Variants in FAM149B1 observed in about 807,000 individuals in gnomAD.
FAM149B1 encodes primary cilium assembly protein FAM149B1.
A neutral mutation model predicts 75.3 loss-of-function variants in FAM149B1; 56 were observed. The ratio of observed to expected loss-of-function variants is 0.74; its 90% CI spans 0.60 to 0.93. FAM149B1 has a LOEUF of 0.93. Ranked by LOEUF, FAM149B1 falls within the 40% of genes least tolerant of loss-of-function variation. The pLI is 0.00. For synonymous variants in FAM149B1, 259 were observed against 256.1 expected, an observed-to-expected ratio of 1.01 and a Z score of -0.11; for missense variants, 639 against 708.4, an observed-to-expected ratio of 0.90 and a Z score of 1.11.
intron 7 of FAM149B1, among the ~76,000 whole-genome samples, chr10:73,221,705 A>G (rs1486381874): frequency 6.6e-6 from 1 of 152,096 alleles, no homozygotes; most frequent in African/African-American, 2.4e-5. Flanking sequence ...GCTTTCAGCC[A>G]TTATTTCTTC....
intron 7 of FAM149B1, among the ~76,000 whole-genome samples, chr10:73,214,263 G>A (rs2133374332): frequency 6.6e-6 from 1 of 152,250 alleles, no homozygotes; most frequent in Non-Finnish European, 1.5e-5. Context: ...TCAGCAAACA[G>A]GGCAATTTGC....
intron 3 of FAM149B1, among the ~76,000 whole-genome samples, chr10:73,184,647 C>G (rs148055993): frequency 6.6e-6 from 1 of 152,026 alleles, no homozygotes. Flanking sequence ...AAATATTTGG[C>G]AATTAAACAT....
chr10:73,234,794 G>T, intron 10 of FAM149B1, 23 bp from the exon 11 acceptor site: 1 of 1,550,094 alleles, frequency 6.5e-7, no homozygotes, highest in African/African-American at 1.4e-5. Context: ...TCATACCTTC[G>T]TGTTTGTTGG....
intron 5 of FAM149B1, among the ~76,000 whole-genome samples, chr10:73,199,321 C>T (rs541584969): frequency 1.1e-4 from 17 of 151,916 alleles, no homozygotes; most frequent in Non-Finnish European, 2.1e-4. Flanking sequence ...AGGTTCATGC[C>T]ATTCTCCTGC....
chr10:73,168,127 C>T lies in FAM149B1; in HGVS notation c.-213C>T. The stretch of plus-strand genomic sequence containing the variant: ...GTCCGGGGGCCTTCGTCACTTCCGC[C>T]CCCGCGGCAAAGCAGGGAGGTCGGA... On this transcript the variant is annotated 5_prime_UTR_variant, in exon 1 of 14. Coordinates refer to ENST00000242505, the MANE Select transcript of FAM149B1 (RefSeq NM_173348.2). 1.8e-6 allele frequency: 1 copy of T among 570,042 alleles called. No homozygotes were observed. The highest frequency in any genetic ancestry group is 2.2e-5 in the South Asian group (1 of 45,122). The allele number at this position is 570,042 out of a possible 1,614,324, so 35.3% of individuals were successfully genotyped here. A position where few individuals can be genotyped will look rare whatever the true frequency, so the allele number is the denominator to read the frequency against.
chr10:73,206,119 G>A lies in FAM149B1; in HGVS notation c.543-2500G>A, dbSNP rs139005898. ...TGACAAGGTCTCAGAAGGAAATGAG[G>A]AACTTACTGGGAACTGGAAGAAAGG... is the stretch of plus-strand genomic sequence containing the variant. On this transcript the variant is annotated intron_variant, in intron 5 of 13. Coordinates refer to ENST00000242505, the MANE Select transcript of FAM149B1 (RefSeq NM_173348.2). Among the ~76,000 whole-genome samples the A allele has an allele frequency of 2.6e-3, 395 of 152,332 alleles. 1 individual carries two copies. The highest frequency in any genetic ancestry group is 8.9e-3 in the African/African-American group (371 of 41,570).
intron 12 of FAM149B1, among the ~76,000 whole-genome samples, chr10:73,237,824 A>G (rs548342827): frequency 6.6e-6 from 1 of 152,226 alleles, no homozygotes; most frequent in African/African-American, 2.4e-5. Context: ...CCTGGGCTCA[A>G]GTGATCCTCC....
rs909963701 is a variant in FAM149B1 at position 73,232,983 on chromosome 10, T to G, written c.1172T>G (p.Ile391Ser). Residue 391 changes from isoleucine to serine, a missense_variant, in exon 10 of 14, where the codon ATC becomes AGC. Transcript: ENST00000242505. ...KLLMRPGSST[I>S]LSTRNWPNRA... ...CTTATGAGGCCTGGGTCCAGTACCA[T>G]CCTTTCAACTCGAAATTGGCCAAAT... 9.0e-6 allele frequency: 14 copies of G among 1,552,012 alleles called. No homozygotes were observed. Among genetic ancestry groups the G allele is most frequent in the African/African-American group, 1.4e-5 (1 of 73,152 alleles).
rs1589150932 is a variant in FAM149B1 at position 73,193,331 on chromosome 10, G to T, written c.426-146G>T. 3.0e-5 allele frequency: 20 copies of T among 661,936 alleles called. No individual in the cohort carries two copies. The East Asian group carries it at 5.8e-4, about 19-fold the overall frequency. The allele number at this position is 661,936 out of a possible 1,614,324, so 41.0% of individuals were successfully genotyped here. A position where few individuals can be genotyped will look rare whatever the true frequency, so the allele number is the denominator to read the frequency against. ...AGAGATATACCTGTAGTAAGGCTCTGGATTCACATTTTCTCATTCTTAATC... is the reference window on the plus strand; with the variant it reads ...AGAGATATACCTGTAGTAAGGCTCTTGATTCACATTTTCTCATTCTTAATC... On this transcript the variant is annotated intron_variant, in intron 4 of 13. Coordinates refer to ENST00000242505, the MANE Select transcript of FAM149B1 (RefSeq NM_173348.2).
At chr10:73,228,609 A>AT (rs113150483) in intron 8 of FAM149B1, among the ~76,000 whole-genome samples, 15,854 of 149,706 alleles carry the variant, frequency 0.11, 1,199 homozygotes, top group East Asian at 0.31. Flanking sequence ...TTATTTTTTC[A>AT]TTTTTTTTGA....
At chr10:73,185,664 CT>C (rs2042504185) in intron 3 of FAM149B1, among the ~76,000 whole-genome samples, 1 of 152,126 alleles carries the variant, frequency 6.6e-6, no homozygotes, top group Non-Finnish European at 1.5e-5. Context: ...AGAAATCAGA[CT>C]CAGAAAATCA....
At chr10:73,207,509 G>A (rs1337233200) in intron 5 of FAM149B1, among the ~76,000 whole-genome samples, 1 of 151,768 alleles carries the variant, frequency 6.6e-6, no homozygotes, top group Non-Finnish European at 1.5e-5. Context: ...GGTTGCAGTG[G>A]GCCGAGACCC....
chr10:73,207,636 T>TG (rs1476208982), intron 5 of FAM149B1, among the ~76,000 whole-genome samples: 4 of 152,124 alleles, frequency 2.6e-5, no homozygotes, highest in African/African-American at 9.7e-5. Flanking sequence ...AGAGCAACCT[T>TG]GGGAGCTGAA....
intron 13 of FAM149B1, among the ~76,000 whole-genome samples, chr10:73,239,615 C>T (rs2043897712): frequency 1.3e-5 from 2 of 150,736 alleles, no homozygotes; most frequent in Non-Finnish European, 1.5e-5. Flanking sequence ...TTTCTTCATA[C>T]CATGTAAATT....
Position 73,192,711 on chromosome 10 carries a change from T to C in FAM149B1, c.425+13T>C. On this transcript the variant is annotated intron_variant, in intron 4 of 13. Transcript: ENST00000242505. ...TTCCTCACCTCAGGTACTGAAGCCCTCCAGTTGACTTGTATTCATGGCTAA... is the reference window on the plus strand; with the variant it reads ...TTCCTCACCTCAGGTACTGAAGCCCCCCAGTTGACTTGTATTCATGGCTAA... The C allele has an allele frequency of 1.3e-6, 2 of 1,514,196 alleles. No homozygotes were observed. The highest frequency in any genetic ancestry group is 1.8e-6 in the Non-Finnish European group (2 of 1,135,074). 93.8% of individuals were successfully genotyped at this position (1,514,196 alleles called of 1,614,324 possible).
At chr10:73,239,493 T>A in intron 13 of FAM149B1, 109 bp downstream of exon 13, 3 of 801,132 alleles carry the variant, frequency 3.7e-6, no homozygotes, top group Non-Finnish European at 5.9e-6. Context: ...TTCTTGGATT[T>A]AATGTTTTCC....
intron 7 of FAM149B1, among the ~76,000 whole-genome samples, chr10:73,220,145 G>A (rs533632545): frequency 6.6e-6 from 1 of 151,756 alleles, no homozygotes; most frequent in Non-Finnish European, 1.5e-5. Context: ...CATGAAAGAC[G>A]CTGTACATCG....
At chr10:73,233,607 G>A (rs2043759990) in intron 10 of FAM149B1, among the ~76,000 whole-genome samples, 2 of 152,218 alleles carry the variant, frequency 1.3e-5, no homozygotes, top group Non-Finnish European at 2.9e-5. Flanking sequence ...GTCTCCTAAA[G>A]TGCTGAGATT....
chr10:73,239,145 A>G, intron 12 of FAM149B1, 167 bp from the exon 13 acceptor site: 1 of 551,270 alleles, frequency 1.8e-6, no homozygotes, highest in South Asian at 2.6e-5. Context: ...CTGGCTTGGG[A>G]TTTTCTACTT....
Sources: gnomAD v4.1 joint callset for allele counts (sites outside exome capture counted in the v4.1 genomes callset) on GRCh38, gnomAD v4.1.1 for gene constraint, MANE v1.5 for transcripts, NCBI Gene and HGNC (gene_info 2026-07-23, HGNC 2026-07-21) for gene names.